The following CPNE8 variants were observed in gnomAD, a reference collection of about 807,000 sequenced individuals.
CPNE8 encodes the protein copine 8, also known as copine-8.
CPNE8 carries 45 observed loss-of-function variants against 81.5 expected under a neutral mutation model. That is an observed-to-expected ratio of 0.55 (90% CI 0.44 to 0.71). CPNE8 has a LOEUF of 0.71. Among genes scored for constraint, CPNE8 ranks in the 30% least tolerant of loss-of-function variants. The pLI, the probability that CPNE8 is intolerant of heterozygous loss-of-function variation, is 0.00. For missense variants in CPNE8, 594 were observed against 672.1 expected (o/e 0.88, Z 1.28); for synonymous variants, 252 against 226.3 (o/e 1.11, Z -1.02).
At chr12:38,752,124 A>T (rs1941363881) in intron 10 of CPNE8, among the ~76,000 whole-genome samples, 3 of 152,208 alleles carry the variant, frequency 2.0e-5, no homozygotes, top group Admixed American at 2.0e-4. Context: ...ATAATTACAT[A>T]ATTAACTTCA....
At chr12:38,846,335 G>A (rs1943560071) in intron 4 of CPNE8, among the ~76,000 whole-genome samples, 1 of 152,152 alleles carries the variant, frequency 6.6e-6, no homozygotes, top group Admixed American at 6.5e-5. Context: ...AGACCAGGGT[G>A]ATTTTCATTC....
chr12:38,788,027 C>G (rs1343789039), intron 6 of CPNE8, among the ~76,000 whole-genome samples: 1 of 147,076 alleles, frequency 6.8e-6, no homozygotes, highest in South Asian at 2.1e-4. Context: ...TAAATTCCAC[C>G]AAACACTTAA....
At chr12:38,814,227 C>T (rs961331336) in intron 6 of CPNE8, among the ~76,000 whole-genome samples, 6 of 149,160 alleles carry the variant, frequency 4.0e-5, no homozygotes, top group African/African-American at 1.5e-4. Context: ...GAGAAACATG[C>T]TTGACTAAGC....
Position 38,653,638 on chromosome 12 carries a change from A to AAATT in CPNE8, c.*243_*244insAATT. 6.0e-6 allele frequency: 2 copies of AAATT among 332,764 alleles called. No individual in the cohort carries two copies. Among genetic ancestry groups the AAATT allele is most frequent in the East Asian group, 4.8e-5 (1 of 20,936 alleles). 20.6% of individuals were successfully genotyped at this position (332,764 alleles called of 1,614,324 possible). On this transcript the variant is annotated 3_prime_UTR_variant, in exon 20 of 20. Coordinates refer to ENST00000331366, the MANE Select transcript of CPNE8 (RefSeq NM_153634.3). ...CTGTTAAAAAAAAAAAGAAAGAAAGATTTAGAGAAGACATCCATACTTTGC... is the reference window on the plus strand; with the variant it reads ...CTGTTAAAAAAAAAAAGAAAGAAAGAAATTTTTAGAGAAGACATCCATACTTTGC...
chr12:38,796,817 C>T (rs1684426), intron 6 of CPNE8, among the ~76,000 whole-genome samples: 14,329 of 152,110 alleles, frequency 0.094, 826 homozygotes, highest in East Asian at 0.31. Context: ...ACAGGCGGCA[C>T]CTGGAAAATC....
chr12:38,854,401 T>C (rs1943695608), intron 3 of CPNE8, among the ~76,000 whole-genome samples: 1 of 112,446 alleles, frequency 8.9e-6, no homozygotes, highest in Admixed American at 7.9e-5. Context: ...GTCTATCCTA[T>C]CAGTTCTGTC....
chr12:38,837,657 G>A (rs1249571516), intron 5 of CPNE8, among the ~76,000 whole-genome samples: 1 of 152,106 alleles, frequency 6.6e-6, no homozygotes, highest in Non-Finnish European at 1.5e-5. Context: ...AGAGGTTTCT[G>A]TGGAAGTTAG....
At chr12:38,773,680 G>C (rs1438579105) in intron 7 of CPNE8, among the ~76,000 whole-genome samples, 2 of 152,020 alleles carry the variant, frequency 1.3e-5, no homozygotes, top group African/African-American at 2.4e-5. Context: ...TGATGTTGTA[G>C]GTGAATTAAA....
rs115053180 is a variant in CPNE8, at chr12:38,686,470, T to C, written c.1144-853A>G. Among the ~76,000 whole-genome samples, 752 of 152,334 alleles carry C rather than the reference T, an allele frequency of 4.9e-3. 9 individuals carry two copies. The highest frequency in any genetic ancestry group is 0.018 in the African/African-American group (731 of 41,568). On this transcript the variant is annotated intron_variant, in intron 15 of 19. Coordinates refer to ENST00000331366, the MANE Select transcript of CPNE8 (RefSeq NM_153634.3). ...CTGTCATTATTAGGTTTAATTCTCC[T>C]AGTCCAAATTACACAAATAACACAA...
chr12:38,719,146 T>C (rs945661046), intron 13 of CPNE8, among the ~76,000 whole-genome samples: 3 of 152,168 alleles, frequency 2.0e-5, no homozygotes, highest in African/African-American at 7.2e-5. Flanking sequence ...TGAATTGAAT[T>C]ATATCCTTTT....
chr12:38,843,416 A>G (rs1433236983), intron 4 of CPNE8, among the ~76,000 whole-genome samples: 2 of 152,150 alleles, frequency 1.3e-5, no homozygotes, highest in Non-Finnish European at 2.9e-5. Context: ...CACACTATTC[A>G]TAAGTGAAGA....
intron 13 of CPNE8, among the ~76,000 whole-genome samples, chr12:38,716,527 A>G (rs919637907): frequency 2.0e-5 from 3 of 152,068 alleles, no homozygotes; most frequent in South Asian, 2.1e-4. Flanking sequence ...GCGCATAAAA[A>G]TAAAAACTGG....
At chr12:38,870,303 A>T (rs1943972240) in intron 3 of CPNE8, among the ~76,000 whole-genome samples, 1 of 152,236 alleles carries the variant, frequency 6.6e-6, no homozygotes, top group Admixed American at 6.5e-5. Flanking sequence ...TACCCAAAGG[A>T]TTATAACTCA....
intron 19 of CPNE8, among the ~76,000 whole-genome samples, chr12:38,658,835 A>C (rs1380813697): frequency 6.6e-6 from 1 of 152,222 alleles, no homozygotes; most frequent in Admixed American, 6.5e-5. Flanking sequence ...AAACCTTTAC[A>C]GGCAAGCACA....
chr12:38,822,471 C>T (rs1943122367), intron 6 of CPNE8, among the ~76,000 whole-genome samples: 1 of 152,078 alleles, frequency 6.6e-6, no homozygotes, highest in Non-Finnish European at 1.5e-5. Context: ...AAGATACTGG[C>T]TATTTTTAAT....
In CPNE8 at chr12:38,760,856, C is replaced by T. The variant is rs774919692; in HGVS notation, c.713G>A (p.Arg238Gln). Residue 238 changes from arginine to glutamine, a missense_variant, in exon 10 of 20, where the codon CGA becomes CAA. Arg to Gln is a conservative substitution (Grantham distance 43). Transcript: ENST00000331366. Reference sequence around the variant, plus strand: ...ATAAGAACTGTCTTACCTTCCATCTCGGTCCCAGTCATACACCTCTACTTT... The same window carrying T: ...ATAAGAACTGTCTTACCTTCCATCTTGGTCCCAGTCATACACCTCTACTTT... ...TIKVEVYDWD[R>Q]DGSHDFIGEF... The T allele has an allele frequency of 3.1e-6, 5 of 1,589,092 alleles. No individual in the cohort carries two copies. The highest frequency in any genetic ancestry group is 4.6e-5 in the East Asian group (2 of 43,028).
intron 6 of CPNE8, among the ~76,000 whole-genome samples, chr12:38,798,845 T>A (rs1002721691): frequency 1.3e-5 from 2 of 151,912 alleles, no homozygotes; most frequent in African/African-American, 4.8e-5. Flanking sequence ...AATAAAAGGA[T>A]GGAGGAAGAT....
intron 4 of CPNE8, among the ~76,000 whole-genome samples, chr12:38,843,310 T>A (rs1943503527): frequency 6.6e-6 from 1 of 152,178 alleles, no homozygotes; most frequent in Non-Finnish European, 1.5e-5. Context: ...ACAAAATATG[T>A]GATCATGCTT....
chr12:38,898,255 A>G (rs1329611043), intron 1 of CPNE8, among the ~76,000 whole-genome samples: 2 of 152,174 alleles, frequency 1.3e-5, no homozygotes, highest in South Asian at 2.1e-4. Flanking sequence ...ATGCTAAAAA[A>G]CACAGGCAGA....
Sources: gnomAD v4.1 joint callset for allele counts (sites outside exome capture counted in the v4.1 genomes callset) on GRCh38, gnomAD v4.1.1 for gene constraint, MANE v1.5 for transcripts, NCBI Gene and HGNC (gene_info 2026-07-23, HGNC 2026-07-21) for gene names.